The following ECPAS variants were observed in gnomAD, a reference collection of about 807,000 sequenced individuals.
ECPAS encodes the protein proteasome adapter and scaffold protein ECM29.
Under a neutral mutation model 255.1 loss-of-function variants are expected in ECPAS, and 70 were observed. The observed-to-expected ratio is 0.27, with a 90% confidence interval of 0.23 to 0.33. ECPAS has a LOEUF of 0.33. ECPAS is among the 10% of genes least tolerant of loss of function. The pLI is 1.00. For missense variants in ECPAS, 1,817 were observed against 2,206.4 expected (o/e 0.82, Z 3.54); for synonymous variants, 784 against 775.0 (o/e 1.01, Z -0.19).
At chr9:111,382,008 AACACACACACACACACAC>A (rs72204951) in intron 35 of ECPAS, among the ~76,000 whole-genome samples, 2 of 147,014 alleles carry the variant, frequency 1.4e-5, no homozygotes, top group African/African-American at 2.5e-5. Flanking sequence ...AATTTTGTAA[AACACACACACACACACAC>A]ACACACACAC....
At chr9:111,394,540 T>G (rs1259933235) in intron 25 of ECPAS, among the ~76,000 whole-genome samples, 2 of 152,210 alleles carry the variant, frequency 1.3e-5, no homozygotes, top group Non-Finnish European at 2.9e-5. Context: ...GAATGAAAAC[T>G]TATCCCTAAT....
At chr9:111,469,034 G>T (rs9299198) in intron 2 of ECPAS, among the ~76,000 whole-genome samples, 107,203 of 152,052 alleles carry the variant, frequency 0.71, 38,319 homozygotes, top group African/African-American at 0.81. Context: ...CAAAAGCCAC[G>T]CTAATACTTG....
intron 2 of ECPAS, among the ~76,000 whole-genome samples, chr9:111,454,724 TA>T (rs1554799219): frequency 6.6e-6 from 1 of 151,698 alleles, no homozygotes; most frequent in African/African-American, 2.4e-5. Flanking sequence ...TTTTTTTTTT[TA>T]AATAAGACAG....
intron 46 of ECPAS, among the ~76,000 whole-genome samples, chr9:111,367,556 G>C (rs115077439): frequency 9.3e-4 from 141 of 152,118 alleles, no homozygotes; most frequent in African/African-American, 3.3e-3. Flanking sequence ...CATCATATTA[G>C]TGGACTTCCA....
intron 34 of ECPAS, among the ~76,000 whole-genome samples, chr9:111,383,763 G>A (rs10980888): frequency 0.44 from 66,806 of 151,566 alleles, 14,898 homozygotes; most frequent in Non-Finnish European, 0.48. Context: ...TCTACAAAAA[G>A]TATGAAAAAT....
chr9:111,442,901 A>G (rs1473040945), intron 4 of ECPAS, among the ~76,000 whole-genome samples: 4 of 152,182 alleles, frequency 2.6e-5, no homozygotes, highest in African/African-American at 9.6e-5. Flanking sequence ...TAACTCACCA[A>G]TGCATGATGA....
chr9:111,459,629 C>T (rs1188984813), intron 2 of ECPAS, among the ~76,000 whole-genome samples: 5 of 152,054 alleles, frequency 3.3e-5, no homozygotes, highest in African/African-American at 7.2e-5. Flanking sequence ...TGTGACAATA[C>T]CTCAGAGACA....
At chr9:111,383,968 TATCATCATC>T (rs55718434) in intron 34 of ECPAS, among the ~76,000 whole-genome samples, 43,028 of 150,880 alleles carry the variant, frequency 0.29, 7,546 homozygotes, top group Non-Finnish European at 0.4. Context: ...TTTGAAGTGT[TATCATCATC>T]ATCATCATCA....
At chr9:111,433,649 G>A (rs943576017) in intron 7 of ECPAS, among the ~76,000 whole-genome samples, 6 of 152,128 alleles carry the variant, frequency 3.9e-5, no homozygotes, top group Non-Finnish European at 7.4e-5. Context: ...GGTAAACGAC[G>A]ATGGCAGGAT....
rs140853236 is a variant in ECPAS at position 111,373,158 on chromosome 9, A to G, written c.4336+12T>C. On this transcript the variant is annotated intron_variant, in intron 41 of 49. Coordinates refer to ENST00000684092, the MANE Select transcript of ECPAS (RefSeq NM_001364929.1). The stretch of plus-strand genomic sequence containing the variant: ...AAATTTAAAATGACATAAAATAGAA[A>G]AAGAAAGGTACCTTCTTTCTCCATA... The G allele has an allele frequency of 2.5e-6, 4 of 1,606,584 alleles. No individual in the cohort carries two copies. The highest frequency in any genetic ancestry group is 4.5e-5 in the East Asian group (2 of 44,844).
At chr9:111,396,930 C>T (rs2098168440) in intron 25 of ECPAS, 100 bp downstream of exon 25, 1 of 1,415,128 alleles carries the variant, frequency 7.1e-7, no homozygotes, top group Non-Finnish European at 9.9e-7. Flanking sequence ...TATTTGAAAA[C>T]AGTAATATGG....
chr9:111,380,276 G>A (rs1589123902), intron 35 of ECPAS, among the ~76,000 whole-genome samples: 1 of 152,186 alleles, frequency 6.6e-6, no homozygotes, highest in African/African-American at 2.4e-5. Context: ...CACTGTCAAT[G>A]AGCAGTAATA....
At chr9:111,401,919 C>A (rs2098176682) in intron 24 of ECPAS, among the ~76,000 whole-genome samples, 1 of 152,204 alleles carries the variant, frequency 6.6e-6, no homozygotes, top group Admixed American at 6.5e-5. Flanking sequence ...TCAGCGTGCA[C>A]TGATTTCATA....
chr9:111,456,192 A>G (rs2098266726), intron 2 of ECPAS, among the ~76,000 whole-genome samples: 1 of 152,228 alleles, frequency 6.6e-6, no homozygotes, highest in East Asian at 1.9e-4. Flanking sequence ...GGTTTAATGA[A>G]TTATTATAAA....
rs1163088642 is a variant in ECPAS, at chr9:111,430,567, T to C, written c.910A>G (p.Ile304Val). 1.3e-6 allele frequency: 2 copies of C among 1,596,696 alleles called. No homozygotes were observed. Among genetic ancestry groups the C allele is most frequent in the South Asian group, 1.1e-5 (1 of 88,462 alleles). ...CCTACCTCTTTTGTCTTCAGTGGTA[T>C]ATCTCCAAGGTACACCTTGTACATC... The part of the protein sequence containing the change: ...NKMYKVYLGD[I>V]PLKTKEGAVL... Residue 304 changes from isoleucine (I) to valine (V), a missense_variant, in exon 9 of 50, where the codon ATA becomes GTA. By Grantham distance (29) the Ile-to-Val change is conservative. Around this residue, in one of 4 missense-constraint regions of ECPAS, gnomAD observed 573 missense variants for 716.2 expected, o/e 0.80. Transcript: ENST00000684092.
chr9:111,373,333 A>G lies in ECPAS; in HGVS notation c.4251T>C (p.Ala1417=), dbSNP rs753040689. The change falls in exon 40 of 50, where the codon GCT becomes GCC. Residue 1417 remains alanine (A), a synonymous_variant. Transcript: ENST00000684092. Reference sequence around the variant, plus strand: ...AACTCACCCGAACTAAATGGCCCATAGCAAATGCACAAGATTTCTGAATCA... The same window carrying G: ...AACTCACCCGAACTAAATGGCCCATGGCAAATGCACAAGATTTCTGAATCA... The part of the protein sequence containing the change: ...NSVIQKSCAF[A]MGHLVRTSRD... 2.5e-6 allele frequency: 4 copies of G among 1,613,774 alleles called. No individual in the cohort carries two copies. In the Admixed American group the frequency reaches 6.7e-5, roughly 27 times the overall value.
chr9:111,396,988 G>A (rs1482997921), intron 25 of ECPAS, 42 bp downstream of exon 25: 2 of 1,612,058 alleles, frequency 1.2e-6, no homozygotes, highest in Admixed American at 1.7e-5. Flanking sequence ...ACAAAAAAAG[G>A]TTACTTGATC....
chr9:111,462,825 T>C (rs925183879), intron 2 of ECPAS, among the ~76,000 whole-genome samples: 35 of 149,890 alleles, frequency 2.3e-4, no homozygotes, highest in African/African-American at 7.8e-4. Flanking sequence ...TCACTGCAAC[T>C]TCTGCCTCCC....
intron 2 of ECPAS, among the ~76,000 whole-genome samples, chr9:111,469,362 G>A (rs1393695493): frequency 1.3e-5 from 2 of 151,986 alleles, no homozygotes; most frequent in African/African-American, 4.8e-5. Context: ...GTGAAACCCT[G>A]TCTATACTAA....
Sources: allele counts gnomAD v4.1 joint callset (sites outside exome capture counted in the v4.1 genomes callset), GRCh38; gene constraint gnomAD v4.1.1; regional missense constraint gnomAD v4.1.1; transcripts MANE v1.5; gene names NCBI Gene and HGNC (gene_info 2026-07-23, HGNC 2026-07-21).